The following DLL3 variants were observed in gnomAD, a reference collection of about 807,000 sequenced individuals.
The protein encoded by DLL3 is delta like canonical Notch ligand 3.
A neutral mutation model predicts 55.0 loss-of-function variants in DLL3; 49 were observed. That is an observed-to-expected ratio of 0.89 (90% CI 0.71 to 1.13). The LOEUF (loss-of-function observed/expected upper bound fraction) is 1.13. DLL3 is among the 50% of genes most tolerant of loss of function. The pLI is 0.00. For synonymous variants in DLL3, 421 were observed against 385.2 expected (o/e 1.09, Z -1.09); for missense variants, 962 against 875.5 (o/e 1.10, Z -1.25).
At chr19:39,502,288 G>A (rs1638745503) in intron 3 of DLL3, among the ~76,000 whole-genome samples, 4 of 147,434 alleles carry the variant, frequency 2.7e-5, no homozygotes, top group Admixed American at 2.7e-4. Flanking sequence ...TTTTTGAGAG[G>A]GAGTCTTGCT....
chr19:39,505,141 G>T, intron 5 of DLL3, 88 bp from the exon 6 acceptor site: 2 of 1,383,612 alleles, frequency 1.4e-6, no homozygotes, highest in South Asian at 1.2e-5. Flanking sequence ...ACTGGACAAG[G>T]AGCAGCCCCC....
At chr19:39,506,771 T>C (rs989522400) in intron 6 of DLL3, among the ~76,000 whole-genome samples, 11 of 152,108 alleles carry the variant, frequency 7.2e-5, no homozygotes, top group Non-Finnish European at 5.9e-5. Context: ...CACGTAGTTC[T>C]GGGAGCTGTC....
chr19:39,504,211 T>A lies in DLL3; in HGVS notation c.793T>A (p.Ser265Thr). The A allele has an allele frequency of 6.2e-7, 1 of 1,612,822 alleles. No individual in the cohort carries two copies. The highest frequency in any genetic ancestry group is 8.5e-7 in the Non-Finnish European group (1 of 1,180,030). Residue 265 changes from serine to threonine, a missense_variant, in exon 5 of 9, where the codon TCT (serine) becomes ACT (threonine). Physicochemically the swap from Ser to Thr is moderately conservative, Grantham distance 58 (BLOSUM62 1). Transcript: ENST00000356433. ...CTGCCTCAGCCCCAGGGGCCCGTCC[T>A]CTGCTACCACCGGATGCCTTGTCCC... ...SSCLSPRGPS[S>T]ATTGCLVPGP...
At chr19:39,502,578 C>A (rs2079615560) in intron 3 of DLL3, among the ~76,000 whole-genome samples, 1 of 152,140 alleles carries the variant, frequency 6.6e-6, no homozygotes, top group Non-Finnish European at 1.5e-5. Context: ...AGAAATGTTA[C>A]CTAGAGTACT....
Position 39,504,222 on chromosome 19 carries a change from C to T in DLL3, c.804C>T (p.Thr268=), listed in dbSNP as rs776881747. The T allele has an allele frequency of 1.0e-4, 162 of 1,612,884 alleles. No homozygotes were observed. The highest frequency in any genetic ancestry group is 1.3e-4 in the Non-Finnish European group (149 of 1,180,042). The change falls in exon 5 of 9, where the codon ACC becomes ACT. Residue 268 remains threonine, a synonymous_variant. Transcript: ENST00000356433. ...CCAGGGGCCCGTCCTCTGCTACCACCGGATGCCTTGTCCCTGGGCCTGGGC... is the reference window on the plus strand; with the variant it reads ...CCAGGGGCCCGTCCTCTGCTACCACTGGATGCCTTGTCCCTGGGCCTGGGC... ...LSPRGPSSAT[T]GCLVPGPGPC...
intron 3 of DLL3, among the ~76,000 whole-genome samples, chr19:39,502,060 G>C (rs1270563640): frequency 6.6e-6 from 1 of 151,148 alleles, no homozygotes; most frequent in Non-Finnish European, 1.5e-5. Flanking sequence ...GGTGGCAGGC[G>C]CCTGTAGTCC....
chr19:39,507,331 G>T lies in DLL3; in HGVS notation c.1386G>T (p.Ala462=), dbSNP rs561167838. 5.5e-5 allele frequency: 86 copies of T among 1,568,748 alleles called. No individual in the cohort carries two copies. The African/African-American group carries it at 1.1e-3, about 20-fold the overall frequency. Residue 462 remains alanine, a synonymous_variant, in exon 7 of 9, where the codon GCG becomes GCT. Coordinates refer to ENST00000356433, the MANE Select transcript of DLL3 (RefSeq NM_203486.3). ...VCACAPGYMG[A]RCEFPVHPDG... The stretch of plus-strand genomic sequence containing the variant: ...CTTGCGCTCCCGGCTACATGGGAGC[G>T]CGGTGTGAGTTCCCAGTGCACCCCG...
At position 39,507,126 on chromosome 19, in the gene DLL3, A is replaced by T. The variant is rs1484946191; in HGVS notation, c.1181A>T (p.Asp394Val). Reference sequence around the variant, plus strand: ...CCTCGCTGCGAGCACGACCTGGACGACTGCGCGGGCCGCGCCTGCGCTAAC... The same window carrying T: ...CCTCGCTGCGAGCACGACCTGGACGTCTGCGCGGGCCGCGCCTGCGCTAAC... ...AGPRCEHDLD[D>V]CAGRACANGG... The change falls in exon 7 of 9, where the codon GAC becomes GTC. Residue 394 changes from aspartate to valine, a missense_variant. Asp to Val is a radical substitution (Grantham distance 152). Transcript: ENST00000356433. 1.3e-6 allele frequency: 2 copies of T among 1,528,136 alleles called. No homozygotes were observed. Among genetic ancestry groups the T allele is most frequent in the East Asian group, 2.5e-5 (1 of 39,758 alleles). 94.7% of individuals were successfully genotyped at this position (1,528,136 alleles called of 1,614,324 possible).
At position 39,499,411 on chromosome 19, in the gene DLL3, C is replaced by T; in HGVS notation, c.289C>T (p.Pro97Ser). Residue 97 changes from proline to serine, a missense_variant, in exon 2 of 9, where the codon CCC becomes TCC. Transcript: ENST00000356433. ...GGTCTACACCGAGCAGCCCGGAGCG[C>T]CCGCGCCTGATCTCCCACTGCCCGA... ...GPVYTEQPGA[P>S]APDLPLPDGL... 3 of 1,586,474 alleles carry T rather than the reference C, an allele frequency of 1.9e-6. No individual in the cohort carries two copies. The highest frequency in any genetic ancestry group is 2.6e-6 in the Non-Finnish European group (3 of 1,174,036).
intron 7 of DLL3, 80 bp downstream of exon 7, chr19:39,507,698 C>G: frequency 1.3e-6 from 2 of 1,591,054 alleles, no homozygotes; most frequent in Non-Finnish European, 1.7e-6. Context: ...GGCCCGATTC[C>G]TTGATGCATT....
At position 39,502,883 on chromosome 19, in the gene DLL3, C is replaced by G; in HGVS notation, c.478C>G (p.Arg160Gly). ...CTTGGCAGCCGGAGGCCCGTGGGCC[C>G]GGGACATTCAGCGCGCAGGCGCCTG... ...RRLAAGGPWA[R>G]DIQRAGAWEL... Residue 160 changes from arginine (R) to glycine (G), a missense_variant, in exon 4 of 9, where the codon CGG becomes GGG. Coordinates refer to ENST00000356433, the MANE Select transcript of DLL3 (RefSeq NM_203486.3). The G allele has an allele frequency of 1.4e-6, 2 of 1,439,236 alleles. No individual in the cohort carries two copies. The highest frequency in any genetic ancestry group is 1.8e-6 in the Non-Finnish European group (2 of 1,102,166). The allele number at this position is 1,439,236 out of a possible 1,614,324, so 89.2% of individuals were successfully genotyped here. A position where few individuals can be genotyped will look rare whatever the true frequency, so the allele number is the denominator to read the frequency against.
At position 39,507,623 on chromosome 19, in the gene DLL3, G is replaced by A; in HGVS notation, c.1673+5G>A. ...GGGTTCCGGGGATGGTCCGAGGTGAGGGGCTGCGCCACAGACGAACGCCTT... is the reference window on the plus strand; with the variant it reads ...GGGTTCCGGGGATGGTCCGAGGTGAAGGGCTGCGCCACAGACGAACGCCTT... On this transcript the variant is annotated splice_donor_5th_base_variant and intron_variant, in intron 7 of 8. Coordinates refer to ENST00000356433, the MANE Select transcript of DLL3 (RefSeq NM_203486.3). The A allele has an allele frequency of 6.2e-7, 1 of 1,604,224 alleles. No homozygotes were observed. Among genetic ancestry groups the A allele is most frequent in the South Asian group, 1.1e-5 (1 of 89,738 alleles).
rs973226777 is a variant in DLL3, at chr19:39,499,230, T to C, written c.108T>C (p.Ser36=). The C allele has an allele frequency of 6.4e-7, 1 of 1,553,944 alleles. No homozygotes were observed. Among genetic ancestry groups the C allele is most frequent in the Non-Finnish European group, 8.7e-7 (1 of 1,154,814 alleles). The change falls in exon 2 of 9, where the codon TCT becomes TCC. Residue 36 remains serine, a synonymous_variant. Transcript: ENST00000356433. ...PAGVFELQIH[S]FGPGPGPGAP... is the part of the protein sequence containing the mutation. ...GCGTCTTCGAGCTGCAGATCCACTC[T>C]TTCGGGCCGGGTCCAGGCCCTGGGG...
At chr19:39,505,582 C>A in intron 6 of DLL3, 131 bp downstream of exon 6, 1 of 911,042 alleles carries the variant, frequency 1.1e-6, no homozygotes, top group South Asian at 1.6e-5. Context: ...CACCTGCAAG[C>A]CTGTAAAATG....
rs746251686 is a variant in DLL3, at chr19:39,499,226, A to T, written c.104A>T (p.His35Leu). ...RPAGVFELQI[H>L]SFGPGPGPGA... ...GCTGGCGTCTTCGAGCTGCAGATCC[A>T]CTCTTTCGGGCCGGGTCCAGGCCCT... The change falls in exon 2 of 9, where the codon CAC becomes CTC. Residue 35 changes from histidine (H) to leucine (L), a missense_variant. Physicochemically the swap from His to Leu is moderately conservative, Grantham distance 99. Transcript: ENST00000356433. The T allele has an allele frequency of 6.4e-7, 1 of 1,553,880 alleles. No individual in the cohort carries two copies.
chr19:39,508,324 C>G lies in DLL3; in HGVS notation c.*67C>G. ...TTGTATTTGCTCGGTGGTGCCCAGT[C>G]TCTGCCCCAGAGGCTTTGGAGTTCA... On this transcript the variant is annotated 3_prime_UTR_variant, in exon 9 of 9. Transcript: ENST00000356433. 6.3e-7 allele frequency: 1 copy of G among 1,584,612 alleles called. No homozygotes were observed. Among genetic ancestry groups the G allele is most frequent in the South Asian group, 1.1e-5 (1 of 90,442 alleles).
chr19:39,505,308 C>G lies in DLL3; in HGVS notation c.950C>G (p.Ala317Gly), dbSNP rs764800780. 1 of 1,614,202 alleles carries G rather than the reference C, an allele frequency of 6.2e-7. No individual in the cohort carries two copies. Among genetic ancestry groups the G allele is most frequent in the Non-Finnish European group, 8.5e-7 (1 of 1,180,038 alleles). ...LRCEVSGVTC[A>G]DGPCFNGGLC... ...TGTGAGGTGAGCGGGGTGACATGTG[C>G]AGATGGACCCTGCTTCAACGGCGGC... is the stretch of plus-strand genomic sequence containing the variant. Residue 317 changes from alanine to glycine, a missense_variant, in exon 6 of 9, where the codon GCA becomes GGA. By Grantham distance (60) the Ala-to-Gly change is moderately conservative (BLOSUM62 0). Coordinates refer to ENST00000356433, the MANE Select transcript of DLL3 (RefSeq NM_203486.3).
At position 39,508,199 on chromosome 19, in the gene DLL3, A is replaced by G. The variant is rs762786941; in HGVS notation, c.1759-53A>G. 1,323 of 1,613,872 alleles carry G rather than the reference A, an allele frequency of 8.2e-4. No homozygotes were observed. The highest frequency in any genetic ancestry group is 1.0e-3 in the Non-Finnish European group (1,234 of 1,180,014). The stretch of plus-strand genomic sequence containing the variant: ...CACTGATTGTACTCAGCGGGGAGGC[A>G]GGGGAGGCAGAGGGGCAGCCTCTCT... On this transcript the variant is annotated intron_variant, in intron 8 of 8. Transcript: ENST00000356433.
At position 39,503,073 on chromosome 19, in the gene DLL3, G is replaced by A. The variant is rs1007844764; in HGVS notation, c.652+16G>A. On this transcript the variant is annotated intron_variant, in intron 4 of 8. Coordinates refer to ENST00000356433, the MANE Select transcript of DLL3 (RefSeq NM_203486.3). ...GAGGCGCCGCGTGAGTCCTGCGTTCGACCCCACCCCGTCCCAGCCGGGGAC... is the reference window on the plus strand; with the variant it reads ...GAGGCGCCGCGTGAGTCCTGCGTTCAACCCCACCCCGTCCCAGCCGGGGAC... 11 of 1,520,390 alleles carry A rather than the reference G, an allele frequency of 7.2e-6. No homozygotes were observed. In the African/African-American group the frequency reaches 8.4e-5, roughly 12 times the overall value. 94.2% of individuals were successfully genotyped at this position (1,520,390 alleles called of 1,614,324 possible).
Sources: allele counts gnomAD v4.1 joint callset (sites outside exome capture counted in the v4.1 genomes callset), GRCh38; gene constraint gnomAD v4.1.1; transcripts MANE v1.5; gene names NCBI Gene and HGNC (gene_info 2026-07-23, HGNC 2026-07-21).